Variants in AQR observed in about 807,000 individuals in gnomAD.
AQR encodes aquarius intron-binding spliceosomal factor.
Under a neutral mutation model 180.5 loss-of-function variants are expected in AQR, and 61 were observed. The ratio of observed to expected loss-of-function variants is 0.34; its 90% CI spans 0.28 to 0.42. The LOEUF (loss-of-function observed/expected upper bound fraction) is 0.42, where lower values mean the gene tolerates loss of function less well. Among genes scored for constraint, AQR ranks in the 10% least tolerant of loss-of-function variants. The pLI is 1.00. For missense variants in AQR, 1,281 were observed against 1,798.3 expected, an observed-to-expected ratio of 0.71 and a Z score of 5.20; for synonymous variants, 551 against 588.8, an observed-to-expected ratio of 0.94 and a Z score of 0.93.
intron 17 of AQR, among the ~76,000 whole-genome samples, chr15:34,908,180 G>A (rs187713929): frequency 6.6e-6 from 1 of 152,232 alleles, no homozygotes; most frequent in Admixed American, 6.5e-5. Flanking sequence ...AGCTGGGCAC[G>A]GTGGCTCACG....
intron 8 of AQR, among the ~76,000 whole-genome samples, chr15:34,939,405 T>G (rs16960127): frequency 0.062 from 9,482 of 152,252 alleles, 335 homozygotes; most frequent in Middle Eastern, 0.092. Flanking sequence ...CATTTGTGAT[T>G]TACAAGTCAG....
chr15:34,943,288 A>C (rs1173266234), intron 6 of AQR: 1 of 1,574,060 alleles, frequency 6.4e-7, no homozygotes, highest in South Asian at 1.1e-5. Context: ...CTAAGGCTTG[A>C]GTGCATTGAG....
intron 2 of AQR, among the ~76,000 whole-genome samples, chr15:34,962,750 C>T (rs575172685): frequency 6.7e-6 from 1 of 149,182 alleles, no homozygotes; most frequent in Non-Finnish European, 1.5e-5. Flanking sequence ...AACTGGGTGA[C>T]AAGAGCGAGA....
intron 27 of AQR, among the ~76,000 whole-genome samples, chr15:34,880,015 A>G (rs1035740972): frequency 6.6e-6 from 1 of 152,198 alleles, no homozygotes; most frequent in Non-Finnish European, 1.5e-5. Flanking sequence ...AAATTTCAGA[A>G]CTCTAGGGAC....
rs1367678411 is a variant in AQR at position 34,874,707 on chromosome 15, T to C, written c.3395A>G (p.Asp1132Gly). ...TCTGGCTCTCCCTTGAGCATCAAGGTCAACAGTCGGAACTCCAACGCGAAC... is the reference window on the plus strand; with the variant it reads ...TCTGGCTCTCCCTTGAGCATCAAGGCCAACAGTCGGAACTCCAACGCGAAC... ...RFVRVGVPTVDLDAQGRARAS... is the reference protein window; with the variant it reads ...RFVRVGVPTVGLDAQGRARAS... Residue 1132 changes from aspartate (D) to glycine (G), a missense_variant, in exon 29 of 35, where the codon GAC (aspartate) becomes GGC (glycine). By Grantham distance (94) the Asp-to-Gly change is moderately conservative (BLOSUM62 -1). Coordinates refer to ENST00000156471, the MANE Select transcript of AQR (RefSeq NM_014691.3). The C allele has an allele frequency of 1.2e-6, 2 of 1,613,562 alleles. No individual in the cohort carries two copies. The highest frequency in any genetic ancestry group is 1.7e-6 in the Non-Finnish European group (2 of 1,179,758).
chr15:34,948,575 G>A (rs915824980), intron 4 of AQR, among the ~76,000 whole-genome samples, 191 bp from the exon 5 acceptor site: 8 of 152,014 alleles, frequency 5.3e-5, no homozygotes, highest in South Asian at 2.1e-4. Context: ...AGGCCGAGAC[G>A]GGTGGAGGTC....
intron 23 of AQR, among the ~76,000 whole-genome samples, chr15:34,892,728 A>C (rs1471786123): frequency 1.3e-5 from 2 of 152,218 alleles, no homozygotes; most frequent in African/African-American, 2.4e-5. Flanking sequence ...CCTATGTAAA[A>C]CATGCTCAGA....
chr15:34,885,294 T>C (rs1893042228), intron 25 of AQR, among the ~76,000 whole-genome samples: 1 of 152,192 alleles, frequency 6.6e-6, no homozygotes. Flanking sequence ...CTTTGTATAA[T>C]GTTAGCTATG....
At chr15:34,879,486 C>T (rs1219788739) in intron 27 of AQR, among the ~76,000 whole-genome samples, 1 of 152,186 alleles carries the variant, frequency 6.6e-6, no homozygotes, top group Non-Finnish European at 1.5e-5. Flanking sequence ...TTCCACCAAT[C>T]GCTTACTAAT....
chr15:34,858,696 T>C (rs4923806), intron 34 of AQR, among the ~76,000 whole-genome samples: 107,050 of 152,110 alleles, frequency 0.7, 39,731 homozygotes, highest in East Asian at 0.84. Context: ...AGACTGACTG[T>C]AAAGCTACTA....
intron 31 of AQR, chr15:34,868,416 T>C (rs1892770159): frequency 6.6e-6 from 1 of 152,124 alleles, no homozygotes; most frequent in Admixed American, 6.6e-5. Context: ...TACTGGCAAC[T>C]CAGACATTTA....
rs1332773357 is a variant in AQR, at chr15:34,969,727, A to G, written c.-114T>C. 2.9e-6 allele frequency: 3 copies of G among 1,052,558 alleles called. No homozygotes were observed. Among genetic ancestry groups the G allele is most frequent in the Non-Finnish European group, 4.1e-6 (3 of 739,680 alleles). The allele number at this position is 1,052,558 out of a possible 1,614,324, so 65.2% of individuals were successfully genotyped here. A position where few individuals can be genotyped will look rare whatever the true frequency, so the allele number is the denominator to read the frequency against. The stretch of plus-strand genomic sequence containing the variant: ...GGGCGCTTAACTCCGCGCCGCACAA[A>G]CGCTCCGGGCCGGATATCCTCAGCC... On this transcript the variant is annotated 5_prime_UTR_variant, in exon 1 of 35. Transcript: ENST00000156471.
rs548660378 is a variant in AQR, at chr15:34,897,818, C to T, written c.2244-113G>A. 37 of 1,144,360 alleles carry T rather than the reference C, an allele frequency of 3.2e-5. No individual in the cohort carries two copies. The African/African-American group carries it at 3.4e-4, about 11-fold the overall frequency. The allele number at this position is 1,144,360 out of a possible 1,614,324, so 70.9% of individuals were successfully genotyped here. The stretch of plus-strand genomic sequence containing the variant: ...TCAGAGGAGTAAGAAACATTTCTGG[C>T]TTAAAGGAACGATATCTGTATGTAA... On this transcript the variant is annotated intron_variant, in intron 20 of 34. Coordinates refer to ENST00000156471, the MANE Select transcript of AQR (RefSeq NM_014691.3).
chr15:34,874,387 A>C (rs892997156), intron 29 of AQR: 2 of 359,222 alleles, frequency 5.6e-6, no homozygotes, highest in Admixed American at 9.0e-5. Context: ...TTAAAATTAT[A>C]TTAACTGTAT....
intron 9 of AQR, among the ~76,000 whole-genome samples, chr15:34,936,518 C>T (rs1028972718): frequency 6.6e-6 from 1 of 152,078 alleles, no homozygotes; most frequent in Non-Finnish European, 1.5e-5. Context: ...GAGTTCAAGA[C>T]CAGCCTGGCC....
chr15:34,918,759 T>C (rs999088442), intron 14 of AQR, among the ~76,000 whole-genome samples: 6 of 152,260 alleles, frequency 3.9e-5, no homozygotes, highest in Non-Finnish European at 8.8e-5. Flanking sequence ...ACCATGACAC[T>C]TAGCATTAAT....
At chr15:34,954,498 A>G (rs1894278850) in intron 3 of AQR, among the ~76,000 whole-genome samples, 1 of 151,826 alleles carries the variant, frequency 6.6e-6, no homozygotes, top group Non-Finnish European at 1.5e-5. Context: ...GTAGAGATGA[A>G]GTCTCACTAT....
Position 34,915,058 on chromosome 15 carries a change from A to C in AQR, c.1464T>G (p.Ser488Arg). Residue 488 changes from serine to arginine, a missense_variant, in exon 16 of 35, where the codon AGT becomes AGG. Ser to Arg is a moderately radical substitution (Grantham distance 110, BLOSUM62 -1). This residue lies in a region of AQR where 200 missense variants were observed against 293.4 expected (regional missense o/e 0.68). Transcript: ENST00000156471. ...TYEIRQDIED[S>R]VSRMKPWQSE... ...CTAACCATGGCTTCATTCTGCTGAC[A>C]CTATCTTCAATGTCCTGACGAATTT... The C allele has an allele frequency of 1.9e-6, 3 of 1,608,564 alleles. No homozygotes were observed. Among genetic ancestry groups the C allele is most frequent in the African/African-American group, 2.7e-5 (2 of 74,700 alleles).
chr15:34,934,504 T>C lies in AQR; in HGVS notation c.783+67A>G, dbSNP rs938237977. The stretch of plus-strand genomic sequence containing the variant: ...AGGAAAGAAAAAAATACTTCATATA[T>C]GGTCATATGCTTAATCTTAGACCCC... On this transcript the variant is annotated intron_variant, in intron 10 of 34. Coordinates refer to ENST00000156471, the MANE Select transcript of AQR (RefSeq NM_014691.3). 2.1e-5 allele frequency: 22 copies of C among 1,072,772 alleles called. No individual in the cohort carries two copies. The African/African-American group carries it at 3.3e-4, about 16-fold the overall frequency. The allele number at this position is 1,072,772 out of a possible 1,614,324, so 66.5% of individuals were successfully genotyped here.
Sources: allele counts gnomAD v4.1 joint callset (sites outside exome capture counted in the v4.1 genomes callset), GRCh38; gene constraint gnomAD v4.1.1; regional missense constraint gnomAD v4.1.1; transcripts MANE v1.5; gene names NCBI Gene and HGNC (gene_info 2026-07-23, HGNC 2026-07-21).